ZNF662: variants seen among roughly 807,000 people sequenced by gnomAD.
ZNF662 encodes zinc finger protein 662.
Under a neutral mutation model 12.4 loss-of-function variants are expected in ZNF662, and 14 were observed. The observed-to-expected ratio is 1.13, with a 90% CI of 0.75 to 1.77. The LOEUF (loss-of-function observed/expected upper bound fraction) is 1.77. Ranked by LOEUF, ZNF662 falls within the 40% of genes most tolerant of loss-of-function variation. The probability of loss-of-function intolerance (pLI) is 0.00; values close to 1 mark genes in which losing one functional copy is unlikely to be tolerated. For missense variants in ZNF662, 550 were observed against 515.6 expected, an observed-to-expected ratio of 1.07 and a Z score of -0.65; for synonymous variants, 184 against 176.4, an observed-to-expected ratio of 1.04 and a Z score of -0.34.
Position 42,906,536 on chromosome 3 carries a change from C to G in ZNF662, c.-94+368C>G. The G allele has an allele frequency of 8.7e-7, 1 of 1,150,848 alleles. No homozygotes were observed. Among genetic ancestry groups the G allele is most frequent in the Non-Finnish European group, 1.2e-6 (1 of 861,926 alleles). The allele number at this position is 1,150,848 out of a possible 1,614,324, so 71.3% of individuals were successfully genotyped here. A position where few individuals can be genotyped will look rare whatever the true frequency, so the allele number is the denominator to read the frequency against. On this transcript the variant is annotated intron_variant, in intron 1 of 4. Transcript: ENST00000440367. This position sits in a 1 kb window ranked among gnomAD's most constrained non-coding sequence, Gnocchi z 4.4. ...GTGCGGCGGCTGGGAAATGGGGGTA[C>G]AACCCAGAGTGAGGGGCCTCGAGGG...
chr3:42,914,136 T>G (rs2088866453), intron 4 of ZNF662, among the ~76,000 whole-genome samples, 191 bp from the exon 5 acceptor site: 1 of 149,346 alleles, frequency 6.7e-6, no homozygotes. Context: ...GCAGGGATTC[T>G]ATCTAGTTGC....
At chr3:42,912,314 T>G (rs1436354951) in intron 3 of ZNF662, among the ~76,000 whole-genome samples, 1 of 115,334 alleles carries the variant, frequency 8.7e-6, no homozygotes, top group Admixed American at 1.2e-4. Flanking sequence ...ATGATATATA[T>G]AGTCCATCTC....
At chr3:42,912,664 A>ATT (rs1559381509) in intron 3 of ZNF662, among the ~76,000 whole-genome samples, 1 of 50,652 alleles carries the variant, frequency 2.0e-5, no homozygotes, top group East Asian at 6.1e-4. Flanking sequence ...ATATATATAT[A>ATT]TATTTTTTAT....
Position 42,906,871 on chromosome 3 carries a change from C to T in ZNF662, c.-94+703C>T, listed in dbSNP as rs565949663. Among the ~76,000 whole-genome samples, 103 of 152,212 alleles carry T rather than the reference C, an allele frequency of 6.8e-4. No homozygotes were observed. The highest frequency in any genetic ancestry group is 2.4e-3 in the African/African-American group (98 of 41,534). On this transcript the variant is annotated intron_variant, in intron 1 of 4. Transcript: ENST00000440367. This position sits in a 1 kb window ranked among gnomAD's most constrained non-coding sequence, Gnocchi z 4.4. ...TTTCCCAATGCAATGGTGAGAGGAT[C>T]GGAGATGAGAGTGGTGGTGGCTGAT...
At chr3:42,907,545 G>T (rs1039166368) in intron 1 of ZNF662, 6 of 378,586 alleles carry the variant, frequency 1.6e-5, no homozygotes, top group Non-Finnish European at 1.8e-5. Flanking sequence ...CTGGAACTTT[G>T]GGGGAAGTTA....
chr3:42,912,657 T>TATATATATATTTTTTATATAA (rs2088828772), intron 3 of ZNF662, among the ~76,000 whole-genome samples: 1 of 67,476 alleles, frequency 1.5e-5, no homozygotes, highest in African/African-American at 5.0e-5. Context: ...TATATAAATA[T>TATATATATATTTTTTATATAA]ATATATATAT....
chr3:42,912,669 T>TTATATATATAAATATATATATA (rs2088831380), intron 3 of ZNF662, among the ~76,000 whole-genome samples: 3 of 54,252 alleles, frequency 5.5e-5, no homozygotes, highest in African/African-American at 2.0e-4. Flanking sequence ...TATATATATT[T>TTATATATATAAATATATATATA]TTTATATATA....
rs1474222846 is a variant in ZNF662 at position 42,917,776 on chromosome 3, T to G, written c.*2422T>G. ...CAGTAGTCTCATAAGCTTCTCAGTT[T>G]TATCTCATCTCAGTTGCTTGGAAGT... On this transcript the variant is annotated 3_prime_UTR_variant, in exon 5 of 5. Coordinates refer to ENST00000440367, the MANE Select transcript of ZNF662 (RefSeq NM_207404.4). 2 of 582,792 alleles carry G rather than the reference T, an allele frequency of 3.4e-6. No individual in the cohort carries two copies. Among genetic ancestry groups the G allele is most frequent in the Non-Finnish European group, 6.0e-6 (2 of 332,574 alleles). The allele number at this position is 582,792 out of a possible 1,614,324, so 36.1% of individuals were successfully genotyped here.
At position 42,918,066 on chromosome 3, in the gene ZNF662, A is replaced by G. The variant is rs997178822; in HGVS notation, c.*2712A>G. ...GGTTGCAGTGAGCCGAGATTGTGCC[A>G]TTGCACTCCAGCCTGGGCAACAAGA... On this transcript the variant is annotated 3_prime_UTR_variant, in exon 5 of 5. Transcript: ENST00000440367. 6.6e-6 allele frequency among the ~76,000 whole-genome samples: 1 copy of G among 152,238 alleles called. No individual in the cohort carries two copies. Among genetic ancestry groups the G allele is most frequent in the African/African-American group, 2.4e-5 (1 of 41,468 alleles).
chr3:42,913,543 T>C (rs576288651), intron 4 of ZNF662, among the ~76,000 whole-genome samples: 2 of 152,314 alleles, frequency 1.3e-5, no homozygotes, highest in South Asian at 2.1e-4. Flanking sequence ...ACTGAACAGA[T>C]GGCCTGCCCC....
chr3:42,915,097 A>G lies in ZNF662; in HGVS notation c.1024A>G (p.Met342Val). 1.2e-6 allele frequency: 2 copies of G among 1,614,226 alleles called. No individual in the cohort carries two copies. The highest frequency in any genetic ancestry group is 2.2e-5 in the East Asian group (1 of 44,890). ...YECKDCGKGF[M>V]WNSDLSQHQR... ...ATGTAAGGACTGTGGGAAGGGCTTC[A>G]TGTGGAACTCAGATCTTTCTCAGCA... The change falls in exon 5 of 5, where the codon ATG becomes GTG. Residue 342 changes from methionine (M) to valine (V), a missense_variant. Coordinates refer to ENST00000440367, the MANE Select transcript of ZNF662 (RefSeq NM_207404.4).
chr3:42,917,286 C>G lies in ZNF662; in HGVS notation c.*1932C>G. The G allele has an allele frequency of 1.8e-6, 1 of 555,418 alleles. No individual in the cohort carries two copies. Among genetic ancestry groups the G allele is most frequent in the Non-Finnish European group, 3.2e-6 (1 of 317,390 alleles). The allele number at this position is 555,418 out of a possible 1,614,324, so 34.4% of individuals were successfully genotyped here. On this transcript the variant is annotated 3_prime_UTR_variant, in exon 5 of 5. Coordinates refer to ENST00000440367, the MANE Select transcript of ZNF662 (RefSeq NM_207404.4). ...TGTGTCAATCAGTTTATCCCATCCC[C>G]TTGGCCACAGAGCCATTGTGATATG...
chr3:42,914,768 G>C lies in ZNF662; in HGVS notation c.695G>C (p.Arg232Pro). Residue 232 changes from arginine to proline, a missense_variant, in exon 5 of 5, where the codon CGA becomes CCA. Physicochemically the swap from Arg to Pro is moderately radical, Grantham distance 103. Coordinates refer to ENST00000440367, the MANE Select transcript of ZNF662 (RefSeq NM_207404.4). The stretch of plus-strand genomic sequence containing the variant: ...GAATGTGGGAAGGCTTTCAGTTTTC[G>C]ATCACATTGCATTGCACATCAGAGA... ...CKECGKAFSF[R>P]SHCIAHQRIH... The C allele has an allele frequency of 6.2e-7, 1 of 1,612,902 alleles. No individual in the cohort carries two copies. Among genetic ancestry groups the C allele is most frequent in the Non-Finnish European group, 8.5e-7 (1 of 1,179,620 alleles).
chr3:42,912,883 G>T (rs2088847520), intron 3 of ZNF662, among the ~76,000 whole-genome samples: 2 of 149,514 alleles, frequency 1.3e-5, no homozygotes, highest in African/African-American at 4.9e-5. Flanking sequence ...GTGACCACAG[G>T]TGTGTGCCAC....
At position 42,917,785 on chromosome 3, in the gene ZNF662, C is replaced by T; in HGVS notation, c.*2431C>T. The T allele has an allele frequency of 1.7e-6, 1 of 583,154 alleles. No homozygotes were observed. The highest frequency in any genetic ancestry group is 3.0e-6 in the Non-Finnish European group (1 of 332,272). The allele number at this position is 583,154 out of a possible 1,614,324, so 36.1% of individuals were successfully genotyped here. On this transcript the variant is annotated 3_prime_UTR_variant, in exon 5 of 5. Transcript: ENST00000440367. ...CATAAGCTTCTCAGTTTTATCTCAT[C>T]TCAGTTGCTTGGAAGTTGAGCATCT...
rs1347166393 is a variant in ZNF662 at position 42,917,589 on chromosome 3, G to A, written c.*2235G>A. 1 of 699,098 alleles carries A rather than the reference G, an allele frequency of 1.4e-6. No homozygotes were observed. The highest frequency in any genetic ancestry group is 1.8e-5 in the African/African-American group (1 of 56,950). 43.3% of individuals were successfully genotyped at this position (699,098 alleles called of 1,614,324 possible). ...ACTAGACCAAGCTTTACCTGAAGCA[G>A]AGCTACCTCAGAACTTTTCAGCTAT... On this transcript the variant is annotated 3_prime_UTR_variant, in exon 5 of 5. Transcript: ENST00000440367.
chr3:42,915,090 G>T lies in ZNF662; in HGVS notation c.1017G>T (p.Lys339Asn). ...CTTACGAATGTAAGGACTGTGGGAA[G>T]GGCTTCATGTGGAACTCAGATCTTT... Reference protein sequence around the residue: ...EKPYECKDCGKGFMWNSDLSQ... With the variant: ...EKPYECKDCGNGFMWNSDLSQ... The change falls in exon 5 of 5, where the codon AAG becomes AAT. Residue 339 changes from lysine (K) to asparagine (N), a missense_variant. Lys to Asn is a moderately conservative substitution (Grantham distance 94). Coordinates refer to ENST00000440367, the MANE Select transcript of ZNF662 (RefSeq NM_207404.4). 6.2e-7 allele frequency: 1 copy of T among 1,614,208 alleles called. No homozygotes were observed. The highest frequency in any genetic ancestry group is 8.5e-7 in the Non-Finnish European group (1 of 1,180,036).
In ZNF662 at chr3:42,912,512, G is replaced by T. The variant is rs1439899805; in HGVS notation, c.152-689G>T. On this transcript the variant is annotated intron_variant, in intron 3 of 4. Coordinates refer to ENST00000440367, the MANE Select transcript of ZNF662 (RefSeq NM_207404.4). ...ATATATATTTATATATTATATATTT[G>T]TATATTTAATATATAAATACATATA... Among the ~76,000 whole-genome samples the T allele has an allele frequency of 1.8e-3, 150 of 83,752 alleles. 2 individuals are homozygous for T. In the East Asian group the frequency reaches 0.033, roughly 18 times the overall value. 54.9% of individuals were successfully genotyped at this position (83,752 alleles called of 152,430 possible).
At position 42,918,190 on chromosome 3, in the gene ZNF662, C is replaced by T. The variant is rs568100357; in HGVS notation, c.*2836C>T. The stretch of plus-strand genomic sequence containing the variant: ...CTACTAAGTGATGCTTTAAGTCATA[C>T]CATTAGTGCAGGAATTTTTGCTCCT... On this transcript the variant is annotated 3_prime_UTR_variant, in exon 5 of 5. Transcript: ENST00000440367. Among the ~76,000 whole-genome samples the T allele has an allele frequency of 6.8e-4, 103 of 152,218 alleles. No individual in the cohort carries two copies. Among genetic ancestry groups the T allele is most frequent in the Non-Finnish European group, 1.1e-3 (75 of 68,022 alleles).
Sources: allele counts gnomAD v4.1 joint callset (sites outside exome capture counted in the v4.1 genomes callset), GRCh38; gene constraint gnomAD v4.1.1; non-coding constraint Gnocchi (gnomAD v3.1); transcripts MANE v1.5; gene names NCBI Gene and HGNC (gene_info 2026-07-23, HGNC 2026-07-21).